The following NRG3 variants were observed in gnomAD, a reference collection of about 807,000 sequenced individuals.
NRG3 encodes pro-neuregulin-3, membrane-bound isoform.
A neutral mutation model predicts 66.9 loss-of-function variants in NRG3; 31 were observed. That is an observed-to-expected ratio of 0.46 (90% CI 0.35 to 0.63). The LOEUF (loss-of-function observed/expected upper bound fraction) is 0.63. NRG3 is among the 20% of genes least tolerant of loss of function. The pLI, the probability that NRG3 is intolerant of heterozygous loss-of-function variation, is 0.00. For synonymous variants in NRG3, 393 were observed against 359.4 expected (o/e 1.09, Z -1.06); for missense variants, 910 against 878.9 (o/e 1.04, Z -0.45).
chr10:82,387,659 A>C (rs1256622144), intron 2 of NRG3, among the ~76,000 whole-genome samples: 1 of 152,228 alleles, frequency 6.6e-6, no homozygotes, highest in African/African-American at 2.4e-5. Flanking sequence ...AGTTAATTCT[A>C]TACATGCATC....
At chr10:82,343,332 C>T (rs1212207441) in intron 1 of NRG3, among the ~76,000 whole-genome samples, 1 of 151,876 alleles carries the variant, frequency 6.6e-6, no homozygotes, top group Non-Finnish European at 1.5e-5. Context: ...AATACATAGG[C>T]ATACATTTAA....
intron 2 of NRG3, among the ~76,000 whole-genome samples, chr10:82,576,494 A>G (rs556054520): frequency 4.0e-5 from 6 of 151,710 alleles, no homozygotes; most frequent in Non-Finnish European, 8.9e-5. Flanking sequence ...GTTTCTGCCC[A>G]GTGAAAGTCC....
chr10:82,142,766 CTTTTTTTTTTT>C (rs3036609), intron 1 of NRG3, among the ~76,000 whole-genome samples: 4 of 110,634 alleles, frequency 3.6e-5, no homozygotes, highest in African/African-American at 1.4e-4. Flanking sequence ...CTCTCTCGCT[CTTTTTTTTTTT>C]TTTTTTTTGA....
At chr10:82,501,655 C>T (rs528195060) in intron 2 of NRG3, among the ~76,000 whole-genome samples, 1 of 152,180 alleles carries the variant, frequency 6.6e-6, no homozygotes, top group Non-Finnish European at 1.5e-5. Context: ...TATTATTTTC[C>T]CAGAAAGTAC....
chr10:82,278,696 T>C (rs2078978985), intron 1 of NRG3, among the ~76,000 whole-genome samples: 1 of 152,154 alleles, frequency 6.6e-6, no homozygotes, highest in African/African-American at 2.4e-5. Flanking sequence ...TGTTTTGTTC[T>C]TTGTTCTGGT....
At chr10:82,579,511 T>C (rs2046229323) in intron 2 of NRG3, among the ~76,000 whole-genome samples, 1 of 151,922 alleles carries the variant, frequency 6.6e-6, no homozygotes, top group Non-Finnish European at 1.5e-5. Flanking sequence ...ACAATTCCAT[T>C]CGTATGTCTA....
In NRG3 at chr10:81,998,815, T is replaced by TA. The variant is rs1303565744; in HGVS notation, c.823+122658dup. Among the ~76,000 whole-genome samples the TA allele has an allele frequency of 3.3e-5, 5 of 152,188 alleles. No individual in the cohort carries two copies. In the East Asian group the frequency reaches 9.6e-4, roughly 29 times the overall value. ...TTTACCTGTAAACATCCTCACTTTT[T>TA]AAAAAACATAGCATGAAAACTTTGT... On this transcript the variant is annotated intron_variant, in intron 1 of 8. Coordinates refer to ENST00000372141, the MANE Select transcript of NRG3 (RefSeq NM_001010848.4).
intron 1 of NRG3, among the ~76,000 whole-genome samples, chr10:82,353,124 C>T (rs1452949640): frequency 6.6e-6 from 1 of 152,066 alleles, no homozygotes; most frequent in Non-Finnish European, 1.5e-5. Context: ...TCAGTGGTGT[C>T]ACATTAACTG....
intron 1 of NRG3, among the ~76,000 whole-genome samples, chr10:81,910,334 C>T (rs1845012900): frequency 6.6e-6 from 1 of 152,240 alleles, no homozygotes; most frequent in Non-Finnish European, 1.5e-5. Context: ...TAGCAAACCC[C>T]CAAATCCCTT....
chr10:82,865,522 A>C, intron 4 of NRG3, 85 bp downstream of exon 4: 1 of 1,356,090 alleles, frequency 7.4e-7, no homozygotes. Context: ...CCATCTGGTT[A>C]TAATTGAAAT....
chr10:82,755,152 T>C (rs2059026276), intron 3 of NRG3, among the ~76,000 whole-genome samples: 1 of 152,074 alleles, frequency 6.6e-6, no homozygotes, highest in African/African-American at 2.4e-5. Flanking sequence ...ACAAACATGA[T>C]TCACAGCAAC....
intron 2 of NRG3, among the ~76,000 whole-genome samples, chr10:82,477,362 A>G (rs904261353): frequency 6.6e-6 from 1 of 150,870 alleles, no homozygotes. Context: ...GAGATACATA[A>G]TAATAATAAT....
intron 2 of NRG3, among the ~76,000 whole-genome samples, chr10:82,648,077 C>G (rs1193896386): frequency 1.3e-5 from 2 of 150,266 alleles, no homozygotes; most frequent in Non-Finnish European, 3.0e-5. Flanking sequence ...GAAGTCCTTG[C>G]CCATGCCTAT....
intron 2 of NRG3, among the ~76,000 whole-genome samples, chr10:82,367,517 T>C (rs1490681173): frequency 1.3e-5 from 2 of 152,134 alleles, no homozygotes; most frequent in African/African-American, 4.8e-5. Context: ...CTTTAAAATA[T>C]TTAATTTTAA....
intron 1 of NRG3, among the ~76,000 whole-genome samples, chr10:82,203,760 T>A (rs2133529269): frequency 6.6e-6 from 1 of 152,316 alleles, no homozygotes; most frequent in Non-Finnish European, 1.5e-5. Context: ...AAAAACAGGA[T>A]GTTCTTTGAT....
intron 4 of NRG3, among the ~76,000 whole-genome samples, chr10:82,913,546 GATTA>G (rs1326591616): frequency 1.3e-5 from 2 of 152,090 alleles, no homozygotes; most frequent in Non-Finnish European, 2.9e-5. Context: ...TACTTTTGTA[GATTA>G]AATTTCACTG....
In NRG3 at chr10:82,584,377, C is replaced by T. The variant is rs140823112; in HGVS notation, c.954-154200C>T. Among the ~76,000 whole-genome samples the T allele has an allele frequency of 9.0e-3, 1,372 of 152,312 alleles. 31 individuals are homozygous for T. Among genetic ancestry groups the T allele is most frequent in the African/African-American group, 0.031 (1,309 of 41,570 alleles). On this transcript the variant is annotated intron_variant, in intron 2 of 8. Coordinates refer to ENST00000372141, the MANE Select transcript of NRG3 (RefSeq NM_001010848.4). The stretch of plus-strand genomic sequence containing the variant: ...CTGGGATTACAGGCATGAGCCACTG[C>T]ACCTGGCCTGTTTTGTTTTTAATCT...
intron 1 of NRG3, among the ~76,000 whole-genome samples, chr10:82,273,083 A>C (rs1038753870): frequency 6.6e-6 from 1 of 151,944 alleles, no homozygotes; most frequent in Non-Finnish European, 1.5e-5. Flanking sequence ...ATTCCCTTCC[A>C]TTTCAAATAG....
Position 82,566,777 on chromosome 10 carries a change from T to C in NRG3, c.954-171800T>C, listed in dbSNP as rs181919962. Among the ~76,000 whole-genome samples, 12 of 152,118 alleles carry C rather than the reference T, an allele frequency of 7.9e-5. No individual in the cohort carries two copies. In the East Asian group the frequency reaches 1.4e-3, roughly 17 times the overall value. ...ATAGATTAACTTACCAAGTAGTAGA[T>C]ATTTAATCAATAAAAAATTTTTCTA... is the stretch of plus-strand genomic sequence containing the variant. On this transcript the variant is annotated intron_variant, in intron 2 of 8. Transcript: ENST00000372141.
Sources: allele counts gnomAD v4.1 joint callset (sites outside exome capture counted in the v4.1 genomes callset), GRCh38; gene constraint gnomAD v4.1.1; transcripts MANE v1.5; gene names NCBI Gene and HGNC (gene_info 2026-07-23, HGNC 2026-07-21).